Variants in DOCK1 observed in about 807,000 individuals in gnomAD.
The protein encoded by DOCK1 is dedicator of cytokinesis 1.
DOCK1 carries 138 observed loss-of-function variants against 262.7 expected under a neutral mutation model. That is an observed-to-expected ratio of 0.53 (90% confidence interval 0.46 to 0.61). DOCK1 has a LOEUF of 0.61. DOCK1 is among the 20% of genes least tolerant of loss of function. The pLI, the probability that DOCK1 is intolerant of heterozygous loss-of-function variation, is 0.00. For synonymous variants in DOCK1, 866 were observed against 867.4 expected, an observed-to-expected ratio of 1.00 and a Z score of 0.03; for missense variants, 1,908 against 2,370.7, an observed-to-expected ratio of 0.80 and a Z score of 4.05.
chr10:127,361,833 C>T (rs1013174914), intron 32 of DOCK1, among the ~76,000 whole-genome samples: 1 of 152,146 alleles, frequency 6.6e-6, no homozygotes, highest in South Asian at 2.1e-4. Context: ...AGGCTTATAC[C>T]GCGCGGATCT....
chr10:127,350,987 T>C (rs1358410262), intron 31 of DOCK1, among the ~76,000 whole-genome samples: 1 of 152,146 alleles, frequency 6.6e-6, no homozygotes, highest in Non-Finnish European at 1.5e-5. Flanking sequence ...ATGAGGAGAC[T>C]GAGGGTCAGA....
intron 27 of DOCK1, among the ~76,000 whole-genome samples, chr10:127,150,140 TC>T (rs1243036497): frequency 6.6e-6 from 1 of 152,198 alleles, no homozygotes; most frequent in Non-Finnish European, 1.5e-5. Flanking sequence ...AGTCTATACT[TC>T]CGAGATGCTG....
intron 1 of DOCK1, among the ~76,000 whole-genome samples, chr10:126,940,210 T>TG (rs2034883346): frequency 6.6e-6 from 1 of 152,220 alleles, no homozygotes; most frequent in Non-Finnish European, 1.5e-5. Context: ...TCAAAGTATT[T>TG]GGGGATTCAG....
chr10:127,043,070 A>G lies in DOCK1; in HGVS notation c.2107A>G (p.Ile703Val), dbSNP rs775579849. ...DTLVFDALVF[I>V]IGLIADRKFQ... is the part of the protein sequence containing the mutation. ...TTATTGATTAATTTGACAGGTATTT[A>G]TCATTGGACTGATTGCTGATAGAAA... The change falls in exon 21 of 52, where the codon ATC becomes GTC. Residue 703 changes from isoleucine (I) to valine (V), a missense_variant. Transcript: ENST00000623213. 5.0e-6 allele frequency: 8 copies of G among 1,602,500 alleles called. No individual in the cohort carries two copies. The East Asian group carries it at 1.8e-4, about 36-fold the overall frequency.
At chr10:127,146,576 G>A (rs745345118) in intron 27 of DOCK1, among the ~76,000 whole-genome samples, 32 of 152,164 alleles carry the variant, frequency 2.1e-4, no homozygotes, top group Non-Finnish European at 4.3e-4. Context: ...CATTGTGTAT[G>A]TAAGGTGTTA....
At chr10:126,911,281 TTCATTTGGGAGCCAGCG>T (rs2031718133) in intron 1 of DOCK1, among the ~76,000 whole-genome samples, 1 of 152,162 alleles carries the variant, frequency 6.6e-6, no homozygotes, top group South Asian at 2.1e-4. Flanking sequence ...TTGCCTTGGT[TTCATTTGGGAGCCAGCG>T]TGCAGCTCCC....
chr10:126,911,495 C>T (rs1030372749), intron 1 of DOCK1, among the ~76,000 whole-genome samples: 2 of 152,198 alleles, frequency 1.3e-5, no homozygotes, highest in African/African-American at 4.8e-5. Context: ...CCACGGTTAA[C>T]ACCAGGTGGT....
At chr10:127,089,436 A>G (rs1012576345) in intron 23 of DOCK1, among the ~76,000 whole-genome samples, 1 of 151,464 alleles carries the variant, frequency 6.6e-6, no homozygotes, top group Non-Finnish European at 1.5e-5. Flanking sequence ...TCTCCTGTGC[A>G]CCCACTTTGT....
chr10:127,382,370 G>C (rs1316690041), intron 37 of DOCK1, among the ~76,000 whole-genome samples: 3 of 152,180 alleles, frequency 2.0e-5, no homozygotes, highest in African/African-American at 7.2e-5. Flanking sequence ...GATAGTTTCT[G>C]TGACACAAAT....
chr10:126,976,528 TGA>T (rs1465628539), intron 2 of DOCK1, among the ~76,000 whole-genome samples: 2 of 152,184 alleles, frequency 1.3e-5, no homozygotes, highest in South Asian at 2.1e-4. Flanking sequence ...TTTCACCTTT[TGA>T]GAGAGGTGGA....
intron 4 of DOCK1, among the ~76,000 whole-genome samples, chr10:126,986,464 C>G (rs888210347): frequency 1.1e-4 from 17 of 152,180 alleles, no homozygotes; most frequent in African/African-American, 4.1e-4. Flanking sequence ...GTGGGGCCAG[C>G]TAGCCTAACT....
At chr10:126,942,269 T>TG (rs1290008143) in intron 1 of DOCK1, among the ~76,000 whole-genome samples, 28 of 152,190 alleles carry the variant, frequency 1.8e-4, no homozygotes, top group African/African-American at 6.8e-4. Context: ...GTGATTCACC[T>TG]GCCTCGGCCT....
intron 33 of DOCK1, among the ~76,000 whole-genome samples, chr10:127,365,160 A>G (rs898509208): frequency 6.6e-6 from 1 of 152,236 alleles, no homozygotes; most frequent in African/African-American, 2.4e-5. Context: ...TTTCTTATCC[A>G]TCGCCTATAA....
intron 1 of DOCK1, among the ~76,000 whole-genome samples, chr10:126,938,121 A>G (rs1011735946): frequency 6.6e-6 from 1 of 151,058 alleles, no homozygotes; most frequent in African/African-American, 2.4e-5. Flanking sequence ...ATCTCAGCTC[A>G]CCACAACCTC....
intron 28 of DOCK1, among the ~76,000 whole-genome samples, chr10:127,253,504 A>G (rs966990428): frequency 2.6e-5 from 4 of 152,174 alleles, no homozygotes; most frequent in African/African-American, 9.6e-5. Context: ...CCTTACTCAG[A>G]TTTCACCAGT....
chr10:127,283,992 C>A (rs1049614218), intron 29 of DOCK1, among the ~76,000 whole-genome samples: 1 of 152,132 alleles, frequency 6.6e-6, no homozygotes, highest in East Asian at 1.9e-4. Flanking sequence ...TCAATATTGT[C>A]TTTTAAAAAA....
intron 8 of DOCK1, 88 bp from the exon 9 acceptor site, chr10:126,999,266 A>G (rs2040418996): frequency 1.0e-6 from 1 of 978,058 alleles, no homozygotes; most frequent in South Asian, 1.4e-5. Context: ...GTGCACGTAC[A>G]TGGTATTAAT....
At chr10:127,409,474 A>C in intron 42 of DOCK1, 83 bp downstream of exon 42, 1 of 1,457,054 alleles carries the variant, frequency 6.9e-7, no homozygotes. Flanking sequence ...CACCTTTTAA[A>C]GGACGGACTT....
At chr10:126,960,797 C>T (rs2037148514) in intron 1 of DOCK1, among the ~76,000 whole-genome samples, 1 of 145,672 alleles carries the variant, frequency 6.9e-6, no homozygotes, top group Admixed American at 7.0e-5. Flanking sequence ...TATATACACA[C>T]ACACACACAC....
Sources: allele counts gnomAD v4.1 joint callset (sites outside exome capture counted in the v4.1 genomes callset), GRCh38; gene constraint gnomAD v4.1.1; transcripts MANE v1.5; gene names NCBI Gene and HGNC (gene_info 2026-07-23, HGNC 2026-07-21).